The following CSMD3 variants were observed in gnomAD, a reference collection of about 807,000 sequenced individuals.
The protein encoded by CSMD3 is CUB and Sushi multiple domains 3, also known as CUB and sushi domain-containing protein 3.
CSMD3 carries 177 observed loss-of-function variants against 435.2 expected under a neutral mutation model. The ratio of observed to expected loss-of-function variants is 0.41; its 90% confidence interval spans 0.36 to 0.46. CSMD3 has a LOEUF of 0.46. Ranked by LOEUF, CSMD3 falls within the 20% of genes least tolerant of loss-of-function variation. CSMD3 has a pLI of 0.34. For synonymous variants in CSMD3, 1,656 were observed against 1,520.5 expected (o/e 1.09, Z -2.07); for missense variants, 4,265 against 4,504.6 (o/e 0.95, Z 1.52).
intron 13 of CSMD3, among the ~76,000 whole-genome samples, chr8:112,795,329 C>A (rs1158129063): frequency 1.3e-5 from 2 of 151,954 alleles, no homozygotes; most frequent in Admixed American, 6.6e-5. Context: ...GAAAAAAAAA[C>A]TATGAATACA....
intron 3 of CSMD3, among the ~76,000 whole-genome samples, chr8:113,227,094 A>T (rs2093036956): frequency 6.6e-6 from 1 of 151,522 alleles, no homozygotes; most frequent in African/African-American, 2.4e-5. Context: ...TTCCTTTTGT[A>T]CACACTTTCC....
intron 30 of CSMD3, among the ~76,000 whole-genome samples, chr8:112,494,286 T>C (rs1285032975): frequency 6.7e-6 from 1 of 149,300 alleles, no homozygotes; most frequent in African/African-American, 2.5e-5. Flanking sequence ...CCTTCCTCTC[T>C]CTCTCACTTT....
At chr8:112,829,043 G>A (rs527860487) in intron 12 of CSMD3, among the ~76,000 whole-genome samples, 6 of 150,136 alleles carry the variant, frequency 4.0e-5, no homozygotes, top group Admixed American at 2.0e-4. Flanking sequence ...AGAATGAAAA[G>A]GAAAAGAAAA....
At chr8:113,170,890 T>C (rs1564389249) in intron 4 of CSMD3, among the ~76,000 whole-genome samples, 1 of 151,812 alleles carries the variant, frequency 6.6e-6, no homozygotes, top group African/African-American at 2.4e-5. Context: ...TTTGATAGAT[T>C]TTAAAAAATC....
At chr8:112,359,315 T>C (rs954378006) in intron 38 of CSMD3, among the ~76,000 whole-genome samples, 1 of 152,174 alleles carries the variant, frequency 6.6e-6, no homozygotes, top group Non-Finnish European at 1.5e-5. Context: ...TAGATATTCT[T>C]GTAGCACCAC....
At chr8:112,367,904 T>C (rs1827939055) in intron 38 of CSMD3, among the ~76,000 whole-genome samples, 1 of 152,202 alleles carries the variant, frequency 6.6e-6, no homozygotes, top group African/African-American at 2.4e-5. Context: ...GGGTAGCATT[T>C]ATTAAGGGTT....
At position 112,638,793 on chromosome 8, in the gene CSMD3, T is replaced by G; in HGVS notation, c.3429A>C (p.Pro1143=). 1.9e-6 allele frequency: 3 copies of G among 1,612,838 alleles called. No homozygotes were observed. Among genetic ancestry groups the G allele is most frequent in the Non-Finnish European group, 2.5e-6 (3 of 1,179,092 alleles). ...LARLTGSDLP[P]TINAGLYGNF... ...TTCCATAGAGACCAGCATTGATTGT[T>G]GGAGGAAGATCTGAACCAGTCAGGC... is the stretch of plus-strand genomic sequence containing the variant. The change falls in exon 21 of 71, where the codon CCA becomes CCC. Residue 1143 remains proline (P), a synonymous_variant. Transcript: ENST00000297405.
At chr8:113,283,007 G>T (rs1345950261) in intron 2 of CSMD3, among the ~76,000 whole-genome samples, 2 of 152,076 alleles carry the variant, frequency 1.3e-5, no homozygotes, top group Non-Finnish European at 2.9e-5. Flanking sequence ...TTCAGCAAAT[G>T]GTGCTGAGAT....
chr8:113,368,966 T>C (rs574086107), intron 1 of CSMD3, among the ~76,000 whole-genome samples: 3 of 152,116 alleles, frequency 2.0e-5, no homozygotes, highest in East Asian at 1.9e-4. Flanking sequence ...AACCCTCAAA[T>C]AGAAACAACT....
At chr8:113,318,268 TG>T (rs2093924541) in intron 1 of CSMD3, among the ~76,000 whole-genome samples, 1 of 152,290 alleles carries the variant, frequency 6.6e-6, no homozygotes, top group East Asian at 1.9e-4. Context: ...TAGATATTTT[TG>T]AAAGGCAAAT....
chr8:112,332,189 A>G (rs1164097707), intron 45 of CSMD3, among the ~76,000 whole-genome samples: 1 of 152,180 alleles, frequency 6.6e-6, no homozygotes, highest in Non-Finnish European at 1.5e-5. Context: ...ATAAACTCCT[A>G]AGGCTTATAA....
At chr8:112,247,247 G>A in intron 63 of CSMD3, 116 bp from the exon 64 acceptor site, 1 of 672,034 alleles carries the variant, frequency 1.5e-6, no homozygotes, top group Non-Finnish European at 2.6e-6. Context: ...AAAGTTGGAA[G>A]AAAAAAATAA....
chr8:113,112,118 T>C (rs1254849019), intron 4 of CSMD3, among the ~76,000 whole-genome samples: 1 of 152,050 alleles, frequency 6.6e-6, no homozygotes, highest in African/African-American at 2.4e-5. Flanking sequence ...TGATACAGTA[T>C]ATAATCTTTT....
intron 32 of CSMD3, among the ~76,000 whole-genome samples, chr8:112,439,837 C>T (rs2130488408): frequency 6.7e-6 from 1 of 149,834 alleles, no homozygotes; most frequent in African/African-American, 2.4e-5. Flanking sequence ...GAACTGCCCC[C>T]ATGATTCAGT....
intron 32 of CSMD3, among the ~76,000 whole-genome samples, chr8:112,410,970 G>A (rs1445998472): frequency 6.7e-6 from 1 of 149,138 alleles, no homozygotes; most frequent in Non-Finnish European, 1.5e-5. Context: ...AATCATTAAG[G>A]AAAAGTACAA....
intron 3 of CSMD3, among the ~76,000 whole-genome samples, chr8:113,184,998 A>G (rs2092477755): frequency 6.6e-6 from 1 of 152,012 alleles, no homozygotes; most frequent in African/African-American, 2.4e-5. Context: ...GTGCTGGTCT[A>G]GATTGCAGGC....
At chr8:112,729,113 G>T (rs1390812847) in intron 13 of CSMD3, among the ~76,000 whole-genome samples, 3 of 151,916 alleles carry the variant, frequency 2.0e-5, no homozygotes, top group Non-Finnish European at 4.4e-5. Flanking sequence ...TTTTCTGTTT[G>T]TTTTAATATA....
intron 13 of CSMD3, among the ~76,000 whole-genome samples, chr8:112,738,668 G>T (rs1311131940): frequency 6.6e-6 from 1 of 151,568 alleles, no homozygotes; most frequent in Non-Finnish European, 1.5e-5. Context: ...ATGTTGTAAT[G>T]CACCTAATAA....
At chr8:112,431,735 T>C (rs1813730739) in intron 32 of CSMD3, among the ~76,000 whole-genome samples, 1 of 152,196 alleles carries the variant, frequency 6.6e-6, no homozygotes, top group Non-Finnish European at 1.5e-5. Context: ...TGCTGTACTT[T>C]ACAGCTACAT....
Sources: allele counts gnomAD v4.1 joint callset (sites outside exome capture counted in the v4.1 genomes callset), GRCh38; gene constraint gnomAD v4.1.1; transcripts MANE v1.5; gene names NCBI Gene and HGNC (gene_info 2026-07-23, HGNC 2026-07-21).